Variants in SLIT3 observed in about 807,000 individuals in gnomAD.
SLIT3 encodes slit homolog 3 protein.
A neutral mutation model predicts 184.0 loss-of-function variants in SLIT3; 68 were observed. That is an observed-to-expected ratio of 0.37 (90% confidence interval 0.30 to 0.45). The LOEUF (loss-of-function observed/expected upper bound fraction) is 0.45. Among genes scored for constraint, SLIT3 ranks in the 20% least tolerant of loss-of-function variants. The pLI is 1.00. For missense variants in SLIT3, 1,707 were observed against 2,026.0 expected (o/e 0.84, Z 3.02); for synonymous variants, 831 against 828.6 (o/e 1.00, Z -0.05).
intron 4 of SLIT3, among the ~76,000 whole-genome samples, chr5:169,176,687 G>T (rs56214554): frequency 0.03 from 4,626 of 152,254 alleles, 93 homozygotes; most frequent in South Asian, 0.095. Context: ...ACTATGTAAC[G>T]TTGCCCTGTA....
At chr5:168,853,416 T>A (rs1758744688) in intron 5 of SLIT3, among the ~76,000 whole-genome samples, 1 of 152,192 alleles carries the variant, frequency 6.6e-6, no homozygotes, top group South Asian at 2.1e-4. Flanking sequence ...AATAGTCAAA[T>A]GCCGCACCAT....
chr5:168,765,088 C>A (rs1381607698), intron 14 of SLIT3, among the ~76,000 whole-genome samples: 1 of 152,122 alleles, frequency 6.6e-6, no homozygotes, highest in Non-Finnish European at 1.5e-5. Flanking sequence ...GCGAAGGAAC[C>A]CTGACTGCTG....
chr5:168,783,239 G>C (rs1182236265), intron 12 of SLIT3, among the ~76,000 whole-genome samples: 1 of 151,302 alleles, frequency 6.6e-6, no homozygotes, highest in Non-Finnish European at 1.5e-5. Context: ...TAGGACAGCT[G>C]GGGCTTGTTC....
chr5:169,009,489 GC>G (rs1561604544), intron 4 of SLIT3, among the ~76,000 whole-genome samples: 1 of 152,174 alleles, frequency 6.6e-6, no homozygotes, highest in Admixed American at 6.5e-5. Context: ...TCTGCACCAG[GC>G]CCCCTGGCCC....
intron 20 of SLIT3, among the ~76,000 whole-genome samples, chr5:168,725,514 C>T (rs144187779): frequency 2.2e-4 from 33 of 152,312 alleles, no homozygotes; most frequent in African/African-American, 7.7e-4. Flanking sequence ...CCCATAGCAT[C>T]CTCTCCTATA....
At chr5:169,144,832 G>T (rs1367186322) in intron 4 of SLIT3, among the ~76,000 whole-genome samples, 5 of 152,168 alleles carry the variant, frequency 3.3e-5, no homozygotes, top group Non-Finnish European at 5.9e-5. Flanking sequence ...GCCCTACCCT[G>T]CAACAGCAGT....
At chr5:169,226,394 C>T in intron 3 of SLIT3, among the ~76,000 whole-genome samples, 1 of 151,868 alleles carries the variant, frequency 6.6e-6, no homozygotes, top group South Asian at 2.1e-4. Context: ...GGCCTGATCC[C>T]CACTACCCCC....
rs912641438 is a variant in SLIT3 at position 169,247,664 on chromosome 5, GT to G, written c.270-2889del. Among the ~76,000 whole-genome samples, 13 of 150,722 alleles carry G rather than the reference GT, an allele frequency of 8.6e-5. No individual in the cohort carries two copies. In the South Asian group the frequency reaches 1.3e-3, roughly 15 times the overall value. On this transcript the variant is annotated intron_variant, in intron 2 of 35. Transcript: ENST00000519560. ...TGACTTTTATTGGCTTCATCAAGAA[GT>G]TTTTTTTTTCCCTCCAAGACAAGGT...
intron 1 of SLIT3, among the ~76,000 whole-genome samples, chr5:169,281,068 C>A (rs774431229): frequency 3.9e-5 from 6 of 152,158 alleles, no homozygotes; most frequent in Non-Finnish European, 7.3e-5. Context: ...TGGAGACACA[C>A]CCCATCTACA....
At chr5:168,857,373 T>TTTTCGTTTTG (rs143735267) in intron 5 of SLIT3, among the ~76,000 whole-genome samples, 4 of 150,934 alleles carry the variant, frequency 2.7e-5, no homozygotes, top group Admixed American at 6.6e-5. Flanking sequence ...AGAGTTTTTG[T>TTTTCGTTTTG]TTTTGTTTTG....
At chr5:168,692,497 CAT>C in intron 29 of SLIT3, 108 bp downstream of exon 29, 2 of 684,958 alleles carry the variant, frequency 2.9e-6, no homozygotes, top group South Asian at 1.8e-5. Context: ...CAGAGAAGCA[CAT>C]GAGAGAGAGA....
At chr5:169,186,501 A>G (rs984971401) in intron 4 of SLIT3, among the ~76,000 whole-genome samples, 3 of 152,240 alleles carry the variant, frequency 2.0e-5, no homozygotes, top group Non-Finnish European at 4.4e-5. Context: ...AGGAGCTATG[A>G]TTAGCATTCC....
chr5:168,837,763 T>C (rs140430968), intron 6 of SLIT3, among the ~76,000 whole-genome samples: 2 of 152,360 alleles, frequency 1.3e-5, no homozygotes, highest in East Asian at 3.9e-4. Flanking sequence ...AGCGTCCCGA[T>C]TGGGAGCCTG....
At chr5:169,073,832 C>T (rs1346445586) in intron 4 of SLIT3, among the ~76,000 whole-genome samples, 1 of 152,162 alleles carries the variant, frequency 6.6e-6, no homozygotes, top group Non-Finnish European at 1.5e-5. Flanking sequence ...ACCACACTTC[C>T]TGTACAGCCT....
rs115993613 is a variant in SLIT3, at chr5:168,740,235, G to A, written c.2270+8067C>T. 5.0e-3 allele frequency among the ~76,000 whole-genome samples: 768 copies of A among 152,274 alleles called. 7 individuals are homozygous for A. Among genetic ancestry groups the A allele is most frequent in the African/African-American group, 0.018 (738 of 41,560 alleles). On this transcript the variant is annotated intron_variant, in intron 20 of 35. Transcript: ENST00000519560. ...AAAGAGCACTTGCAAGACTGAATGT[G>A]AGAATGAGGCTCAGTTTGGCTTGAC... is the stretch of plus-strand genomic sequence containing the variant.
At chr5:169,228,760 C>G (rs182074034) in intron 3 of SLIT3, among the ~76,000 whole-genome samples, 1 of 152,228 alleles carries the variant, frequency 6.6e-6, no homozygotes, top group East Asian at 1.9e-4. Flanking sequence ...TAGTTAGAAC[C>G]TTAATTATGG....
chr5:169,015,931 AACACACACACACACAC>A (rs3138760), intron 4 of SLIT3, among the ~76,000 whole-genome samples: 2,177 of 120,370 alleles, frequency 0.018, 54 homozygotes, highest in African/African-American at 0.06. Context: ...GAAAAATATA[AACACACACACACACAC>A]ACACACACAC....
intron 4 of SLIT3, among the ~76,000 whole-genome samples, chr5:169,060,566 C>G (rs1758143464): frequency 6.6e-6 from 1 of 152,160 alleles, no homozygotes; most frequent in African/African-American, 2.4e-5. Context: ...CTTTATGTCA[C>G]CACTTCCCTG....
chr5:168,918,993 T>C (rs187655784), intron 4 of SLIT3, among the ~76,000 whole-genome samples: 300 of 152,288 alleles, frequency 2.0e-3, no homozygotes, highest in South Asian at 0.011. Context: ...CTAGTAGTAA[T>C]GTGCAAAATA....
Sources: gnomAD v4.1 joint callset for allele counts (sites outside exome capture counted in the v4.1 genomes callset) on GRCh38, gnomAD v4.1.1 for gene constraint, MANE v1.5 for transcripts, NCBI Gene and HGNC (gene_info 2026-07-23, HGNC 2026-07-21) for gene names.